The following RALGPS2 variants were observed in gnomAD, a reference collection of about 807,000 sequenced individuals.
RALGPS2 encodes the protein ras-specific guanine nucleotide-releasing factor RalGPS2.
RALGPS2 carries 43 observed loss-of-function variants against 86.8 expected under a neutral mutation model. The ratio of observed to expected loss-of-function variants is 0.50; its 90% CI spans 0.39 to 0.64. RALGPS2 has a LOEUF of 0.64. Ranked by LOEUF, RALGPS2 falls within the 30% of genes least tolerant of loss-of-function variation. The pLI, the probability that RALGPS2 is intolerant of heterozygous loss-of-function variation, is 0.00. For synonymous variants in RALGPS2, 243 were observed against 231.3 expected (o/e 1.05, Z -0.46); for missense variants, 536 against 694.6 (o/e 0.77, Z 2.57).
In RALGPS2 at chr1:178,811,304, T is replaced by G; in HGVS notation, c.298-11T>G. On this transcript the variant is annotated splice_polypyrimidine_tract_variant and intron_variant, in intron 5 of 19. Coordinates refer to ENST00000367635, the MANE Select transcript of RALGPS2 (RefSeq NM_152663.5). ...ATCATAGTGATATTTATTTAAAATT[T>G]TTATTTACAGGTAAGCTTTTGGGTT... 6.6e-7 allele frequency: 1 copy of G among 1,516,646 alleles called. No individual in the cohort carries two copies. 93.9% of individuals were successfully genotyped at this position (1,516,646 alleles called of 1,614,324 possible). A position where few individuals can be genotyped will look rare whatever the true frequency, so the allele number is the denominator to read the frequency against.
chr1:178,746,550 G>A, intron 1 of RALGPS2: 1 of 614,868 alleles, frequency 1.6e-6, no homozygotes, highest in Non-Finnish European at 3.0e-6. Flanking sequence ...AGTTTACTTT[G>A]TAAACAAACA....
At chr1:178,839,349 G>A (rs766294245) in intron 8 of RALGPS2, among the ~76,000 whole-genome samples, 71 of 152,254 alleles carry the variant, frequency 4.7e-4, no homozygotes, top group Non-Finnish European at 8.8e-4. Flanking sequence ...GAGAGTGAGG[G>A]CCAATATTCA....
chr1:178,773,254 A>G (rs563529706), intron 1 of RALGPS2, among the ~76,000 whole-genome samples: 37 of 152,250 alleles, frequency 2.4e-4, no homozygotes, highest in African/African-American at 8.2e-4. Context: ...AGGTGGTGGG[A>G]GGATTGCTTG....
intron 1 of RALGPS2, among the ~76,000 whole-genome samples, chr1:178,753,122 A>G (rs1438048493): frequency 6.6e-6 from 1 of 152,246 alleles, no homozygotes; most frequent in African/African-American, 2.4e-5. Flanking sequence ...TGAATGTGCC[A>G]TACTGGTTAT....
chr1:178,902,256 TTGTGTATATGTATGTATGTATGTGTG>T (rs944830184), intron 18 of RALGPS2, 45 bp downstream of exon 18: 1 of 1,417,050 alleles, frequency 7.1e-7, no homozygotes, highest in African/African-American at 1.4e-5. Flanking sequence ...GCGTATGTGT[TTGTGTATATGTATGTATGTATGTGTG>T]TGTGTATACT....
rs1397302492 is a variant in RALGPS2, at chr1:178,919,695, A to C, written c.*3336A>C. On this transcript the variant is annotated 3_prime_UTR_variant, in exon 20 of 20. Transcript: ENST00000367635. ...CTATAGGGCATCATACTAATTGAAA[A>C]TCAATAGTAATGGGTTCCATCCATT... 2 of 152,046 alleles carry C rather than the reference A, an allele frequency of 1.3e-5. No individual in the cohort carries two copies. Among genetic ancestry groups the C allele is most frequent in the Non-Finnish European group, 2.9e-5 (2 of 67,910 alleles). 9.4% of individuals were successfully genotyped at this position (152,046 alleles called of 1,614,324 possible).
intron 8 of RALGPS2, among the ~76,000 whole-genome samples, chr1:178,874,492 C>T (rs1424618373): frequency 6.6e-6 from 1 of 152,134 alleles, no homozygotes; most frequent in Non-Finnish European, 1.5e-5. Context: ...GGAAGAATGG[C>T]AAGAACTGGC....
chr1:178,837,942 A>G (rs1656364995), intron 8 of RALGPS2, among the ~76,000 whole-genome samples: 1 of 152,078 alleles, frequency 6.6e-6, no homozygotes, highest in Non-Finnish European at 1.5e-5. Flanking sequence ...TAGCACAGCC[A>G]TCTGAGATCG....
At chr1:178,800,395 C>T (rs1232311414) in intron 4 of RALGPS2, among the ~76,000 whole-genome samples, 1 of 151,920 alleles carries the variant, frequency 6.6e-6, no homozygotes, top group African/African-American at 2.4e-5. Flanking sequence ...GCCTTTCTGG[C>T]CTTCTTTTCA....
chr1:178,735,552 T>C (rs2102010815), intron 1 of RALGPS2, among the ~76,000 whole-genome samples: 1 of 150,366 alleles, frequency 6.7e-6, no homozygotes, highest in Admixed American at 6.6e-5. Flanking sequence ...GCCTCCCAAG[T>C]AGCTGGGATT....
chr1:178,837,873 G>A (rs1656358472), intron 8 of RALGPS2, among the ~76,000 whole-genome samples: 1 of 152,180 alleles, frequency 6.6e-6, no homozygotes, highest in African/African-American at 2.4e-5. Flanking sequence ...GGCACACCAG[G>A]AGATTAGATC....
intron 6 of RALGPS2, among the ~76,000 whole-genome samples, chr1:178,817,404 T>C (rs938087142): frequency 2.0e-5 from 3 of 151,458 alleles, no homozygotes; most frequent in Non-Finnish European, 4.4e-5. Context: ...CATTCTTTTC[T>C]CTGTTTAACT....
chr1:178,863,821 G>A (rs1658201669), intron 8 of RALGPS2, among the ~76,000 whole-genome samples: 3 of 152,202 alleles, frequency 2.0e-5, no homozygotes, highest in Admixed American at 2.0e-4. Flanking sequence ...GGCCAGGAAA[G>A]CAGGGCTGTG....
At chr1:178,871,018 T>C (rs1658727239) in intron 8 of RALGPS2, 1 of 152,232 alleles carries the variant, frequency 6.6e-6, no homozygotes. Flanking sequence ...GGCTTTGCTC[T>C]GTCTGCCACA....
At chr1:178,747,526 T>C (rs1651405179) in intron 1 of RALGPS2, 9 of 1,611,836 alleles carry the variant, frequency 5.6e-6, no homozygotes, top group Middle Eastern at 4.4e-4. Flanking sequence ...TGACAACTGC[T>C]TTGGTCTTCT....
At chr1:178,866,527 A>T (rs1658424160) in intron 8 of RALGPS2, among the ~76,000 whole-genome samples, 1 of 152,166 alleles carries the variant, frequency 6.6e-6, no homozygotes, top group Non-Finnish European at 1.5e-5. Context: ...GCTTATAGAT[A>T]ATTCAGCAGG....
chr1:178,774,531 T>G (rs998902757), intron 1 of RALGPS2, among the ~76,000 whole-genome samples: 2 of 152,264 alleles, frequency 1.3e-5, no homozygotes, highest in Non-Finnish European at 2.9e-5. Flanking sequence ...AATGTAATTA[T>G]TTGAAAAATA....
At chr1:178,726,013 G>A (rs1279296909) in intron 1 of RALGPS2, 2 of 152,322 alleles carry the variant, frequency 1.3e-5, no homozygotes, top group Non-Finnish European at 2.9e-5. Flanking sequence ...GAGGGGCTGC[G>A]TCCTGTGCTG....
intron 17 of RALGPS2, among the ~76,000 whole-genome samples, chr1:178,899,060 A>G (rs1193007876): frequency 1.3e-5 from 2 of 151,946 alleles, no homozygotes; most frequent in African/African-American, 4.8e-5. Context: ...ACTATTGTAG[A>G]AAAGTCATTA....
Sources: gnomAD v4.1 joint callset for allele counts (sites outside exome capture counted in the v4.1 genomes callset) on GRCh38, gnomAD v4.1.1 for gene constraint, MANE v1.5 for transcripts, NCBI Gene and HGNC (gene_info 2026-07-23, HGNC 2026-07-21) for gene names.